The following GALNTL6 variants were observed in gnomAD, a reference collection of about 807,000 sequenced individuals.
GALNTL6 encodes the protein polypeptide N-acetylgalactosaminyltransferase like 6.
GALNTL6 carries 46 observed loss-of-function variants against 73.7 expected under a neutral mutation model. That is an observed-to-expected ratio of 0.62 (90% CI 0.49 to 0.80). GALNTL6 has a LOEUF of 0.80. Ranked by LOEUF, GALNTL6 falls within the 30% of genes least tolerant of loss-of-function variation. The probability of loss-of-function intolerance (pLI) is 0.00; values close to 1 mark genes in which losing one functional copy is unlikely to be tolerated. For missense variants in GALNTL6, 604 were observed against 755.0 expected, an observed-to-expected ratio of 0.80 and a Z score of 2.34; for synonymous variants, 259 against 263.7, an observed-to-expected ratio of 0.98 and a Z score of 0.17.
At chr4:172,275,036 G>A (rs1738779702) in intron 3 of GALNTL6, among the ~76,000 whole-genome samples, 1 of 152,176 alleles carries the variant, frequency 6.6e-6, no homozygotes, top group Non-Finnish European at 1.5e-5. Context: ...CCTGGAAGGT[G>A]TGCGAAAGGT....
At chr4:172,013,795 T>C (rs1277821103) in intron 2 of GALNTL6, among the ~76,000 whole-genome samples, 1 of 152,002 alleles carries the variant, frequency 6.6e-6, no homozygotes, top group Non-Finnish European at 1.5e-5. Flanking sequence ...AAATACTAGG[T>C]CTTATTCATT....
At chr4:172,679,802 G>A (rs1489922460) in intron 5 of GALNTL6, among the ~76,000 whole-genome samples, 2 of 152,164 alleles carry the variant, frequency 1.3e-5, no homozygotes, top group African/African-American at 2.4e-5. Flanking sequence ...TTCTTAAGTG[G>A]CAGTTACAAA....
intron 3 of GALNTL6, among the ~76,000 whole-genome samples, chr4:172,298,894 G>A (rs1739792056): frequency 6.6e-6 from 1 of 152,188 alleles, no homozygotes; most frequent in Admixed American, 6.5e-5. Context: ...AATGAGTTAG[G>A]GAGGATTCCC....
chr4:172,642,069 C>T (rs1241179371), intron 5 of GALNTL6, among the ~76,000 whole-genome samples: 1 of 151,960 alleles, frequency 6.6e-6, no homozygotes, highest in African/African-American at 2.4e-5. Flanking sequence ...ATCAAAAATA[C>T]AAAAAGTAAG....
chr4:172,613,602 A>G (rs28758357), intron 5 of GALNTL6, among the ~76,000 whole-genome samples: 2,908 of 152,074 alleles, frequency 0.019, 90 homozygotes, highest in African/African-American at 0.066. Context: ...TAAAAAAGGA[A>G]AAACCTATGA....
chr4:171,951,928 C>G (rs892628108), intron 2 of GALNTL6, among the ~76,000 whole-genome samples: 2 of 151,698 alleles, frequency 1.3e-5, no homozygotes, highest in Non-Finnish European at 1.5e-5. Context: ...GCAATGTATC[C>G]CAGAGTTACA....
At position 172,069,045 on chromosome 4, in the gene GALNTL6, C is replaced by T. The variant is rs373530113; in HGVS notation, c.139-160611C>T. 1.2e-4 allele frequency among the ~76,000 whole-genome samples: 13 copies of T among 109,294 alleles called. 3 individuals are homozygous for T. Among genetic ancestry groups the T allele is most frequent in the African/African-American group, 3.8e-4 (11 of 28,932 alleles). 71.7% of individuals were successfully genotyped at this position (109,294 alleles called of 152,430 possible). A position where few individuals can be genotyped will look rare whatever the true frequency, so the allele number is the denominator to read the frequency against. ...GTCATCCACAGATTTTTATTTATTCCAGCACACACTGATGGGCTAATGGGC... is the reference window on the plus strand; with the variant it reads ...GTCATCCACAGATTTTTATTTATTCTAGCACACACTGATGGGCTAATGGGC... On this transcript the variant is annotated intron_variant, in intron 2 of 12. Coordinates refer to ENST00000506823, the MANE Select transcript of GALNTL6 (RefSeq NM_001034845.3).
At chr4:171,972,591 T>C (rs1269907297) in intron 2 of GALNTL6, among the ~76,000 whole-genome samples, 2 of 152,088 alleles carry the variant, frequency 1.3e-5, no homozygotes, top group Admixed American at 6.6e-5. Flanking sequence ...TTTTAAACTA[T>C]ATTTATTTCA....
intron 5 of GALNTL6, among the ~76,000 whole-genome samples, chr4:172,779,680 G>A (rs75042348): frequency 4.4e-4 from 67 of 152,338 alleles, no homozygotes; most frequent in African/African-American, 1.6e-3. Context: ...CTCATAGTCA[G>A]TAATGGGTTA....
At chr4:172,792,404 A>G (rs553395343) in intron 5 of GALNTL6, among the ~76,000 whole-genome samples, 84 of 152,264 alleles carry the variant, frequency 5.5e-4, no homozygotes, top group Non-Finnish European at 1.0e-3. Context: ...CTATAAGCCA[A>G]AAGTATTCAT....
chr4:172,877,998 G>A (rs1561008835), intron 7 of GALNTL6, among the ~76,000 whole-genome samples: 1 of 151,936 alleles, frequency 6.6e-6, no homozygotes. Flanking sequence ...ATAAACAAGT[G>A]GGAGATTGTA....
At chr4:172,590,258 CA>C (rs1560824311) in intron 5 of GALNTL6, among the ~76,000 whole-genome samples, 1 of 152,074 alleles carries the variant, frequency 6.6e-6, no homozygotes, top group Non-Finnish European at 1.5e-5. Context: ...ACCTTTTGGA[CA>C]AACTTTTGTT....
At position 172,617,643 on chromosome 4, in the gene GALNTL6, A is replaced by ATT. The variant is rs552395831; in HGVS notation, c.554-191708_554-191707dup. On this transcript the variant is annotated intron_variant, in intron 5 of 12. Coordinates refer to ENST00000506823, the MANE Select transcript of GALNTL6 (RefSeq NM_001034845.3). ...AGGCGCCCGCCACCACGCCCAGCTA[A>ATT]TTTTTTTTTTTGTATTTTTAGTAGA... 3.5e-5 allele frequency among the ~76,000 whole-genome samples: 5 copies of ATT among 143,280 alleles called. No individual in the cohort carries two copies. In the South Asian group the frequency reaches 8.8e-4, roughly 25 times the overall value. 94.0% of individuals were successfully genotyped at this position (143,280 alleles called of 152,430 possible).
chr4:171,853,404 A>G (rs1735583045), intron 2 of GALNTL6, among the ~76,000 whole-genome samples: 1 of 148,458 alleles, frequency 6.7e-6, no homozygotes, highest in Non-Finnish European at 1.5e-5. Context: ...TTCTTTTCCT[A>G]TCTTTTCTTC....
intron 7 of GALNTL6, among the ~76,000 whole-genome samples, chr4:172,862,703 A>T (rs1479932183): frequency 3.0e-5 from 3 of 100,992 alleles, no homozygotes; most frequent in Non-Finnish European, 5.1e-5. Context: ...TCATCTCAAA[A>T]AAAAGAAAAA....
rs60485425 is a variant in GALNTL6, at chr4:172,650,647, T to A, written c.554-158714T>A. 7.9e-3 allele frequency among the ~76,000 whole-genome samples: 1,202 copies of A among 152,226 alleles called. 12 individuals carry two copies. The highest frequency in any genetic ancestry group is 0.024 in the African/African-American group (994 of 41,552). On this transcript the variant is annotated intron_variant, in intron 5 of 12. Coordinates refer to ENST00000506823, the MANE Select transcript of GALNTL6 (RefSeq NM_001034845.3). ...GAGTGCTACAGAAAATAAATATGAA[T>A]ACATATCTATAATGTGGAAGAAATG...
chr4:172,621,626 G>A (rs894877924), intron 5 of GALNTL6, among the ~76,000 whole-genome samples: 1 of 152,042 alleles, frequency 6.6e-6, no homozygotes, highest in Non-Finnish European at 1.5e-5. Flanking sequence ...CAGTTTTAAA[G>A]TATTTTTCTT....
intron 5 of GALNTL6, among the ~76,000 whole-genome samples, chr4:172,449,573 AT>A (rs1187689925): frequency 2.6e-5 from 4 of 151,942 alleles, no homozygotes; most frequent in Non-Finnish European, 5.9e-5. Context: ...TGCCAGAAAT[AT>A]TTTCTTCTCC....
intron 11 of GALNTL6, among the ~76,000 whole-genome samples, chr4:173,016,795 G>A (rs1362816791): frequency 3.9e-5 from 6 of 152,192 alleles, no homozygotes; most frequent in African/African-American, 1.4e-4. Flanking sequence ...GTTTTGAAAT[G>A]TGAGGACATG....
Sources: allele counts gnomAD v4.1 joint callset (sites outside exome capture counted in the v4.1 genomes callset), GRCh38; gene constraint gnomAD v4.1.1; transcripts MANE v1.5; gene names NCBI Gene and HGNC (gene_info 2026-07-23, HGNC 2026-07-21).